SMG6: variants seen among roughly 807,000 people sequenced by gnomAD.
SMG6 encodes telomerase-binding protein EST1A.
In SMG6, 66 loss-of-function variants were observed where a neutral mutation model predicts 142.2. The observed-to-expected ratio is 0.46, with a 90% CI of 0.38 to 0.57. SMG6 has a LOEUF of 0.57. Among genes scored for constraint, SMG6 ranks in the 20% least tolerant of loss-of-function variants. The probability of loss-of-function intolerance (pLI) is 0.00; values close to 1 mark genes in which losing one functional copy is unlikely to be tolerated. For missense variants in SMG6, 1,793 were observed against 1,832.0 expected (o/e 0.98, Z 0.39); for synonymous variants, 779 against 702.4 (o/e 1.11, Z -1.72).
intron 10 of SMG6, among the ~76,000 whole-genome samples, chr17:2,193,368 A>C (rs181908834): frequency 6.6e-6 from 1 of 152,310 alleles, no homozygotes; most frequent in East Asian, 1.9e-4. Flanking sequence ...CCGTAAGTCA[A>C]TGAAACCTCT....
chr17:2,147,462 C>T (rs919308529), intron 13 of SMG6, among the ~76,000 whole-genome samples: 6 of 151,972 alleles, frequency 3.9e-5, no homozygotes, highest in Admixed American at 3.3e-4. Context: ...CCTAGGTGGG[C>T]GTAGTGGTGC....
At chr17:2,250,905 C>T (rs779628051) in intron 8 of SMG6, among the ~76,000 whole-genome samples, 10 of 152,174 alleles carry the variant, frequency 6.6e-5, no homozygotes, top group Non-Finnish European at 1.0e-4. Context: ...GTTGTTCACA[C>T]GTCATCCTCA....
rs544320066 is a variant in SMG6, at chr17:2,207,332, G to T, written c.2870-18817C>A. Among the ~76,000 whole-genome samples the T allele has an allele frequency of 2.6e-5, 4 of 152,038 alleles. No homozygotes were observed. The South Asian group carries it at 8.3e-4, about 32-fold the overall frequency. The stretch of plus-strand genomic sequence containing the variant: ...AAAAAACCCCACTAAATTAGAAAAT[G>T]ATCAGTTTTATTTCAAAATTATCCA... On this transcript the variant is annotated intron_variant, in intron 10 of 18. Coordinates refer to ENST00000263073, the MANE Select transcript of SMG6 (RefSeq NM_017575.5).
chr17:2,269,102 C>A lies in SMG6; in HGVS notation c.2661+13545G>T, dbSNP rs1263936730. Among the ~76,000 whole-genome samples the A allele has an allele frequency of 2.0e-5, 3 of 151,610 alleles. No individual in the cohort carries two copies. In the East Asian group the frequency reaches 5.8e-4, roughly 29 times the overall value. On this transcript the variant is annotated intron_variant, in intron 8 of 18. Coordinates refer to ENST00000263073, the MANE Select transcript of SMG6 (RefSeq NM_017575.5). The stretch of plus-strand genomic sequence containing the variant: ...GCCTGTAGTCCCAGCTACTCATAGT[C>A]CCAGCTACCCGAGAGGCTGCGGCAG...
At chr17:2,248,363 CT>C (rs2073969181) in intron 8 of SMG6, among the ~76,000 whole-genome samples, 1 of 152,122 alleles carries the variant, frequency 6.6e-6, no homozygotes, top group African/African-American at 2.4e-5. Flanking sequence ...TCAAGTTTTG[CT>C]TTTAAGTTTT....
chr17:2,140,018 G>A (rs987862278), intron 13 of SMG6, among the ~76,000 whole-genome samples: 8 of 146,500 alleles, frequency 5.5e-5, no homozygotes, highest in African/African-American at 1.5e-4. Context: ...GAGCCACCAC[G>A]CCCAGCTGGG....
intron 10 of SMG6, among the ~76,000 whole-genome samples, chr17:2,213,085 A>G (rs2072912325): frequency 6.6e-6 from 1 of 152,210 alleles, no homozygotes; most frequent in African/African-American, 2.4e-5. Flanking sequence ...TAATTCATAA[A>G]TAGGATCCAT....
At chr17:2,227,611 G>C (rs545788729) in intron 10 of SMG6, among the ~76,000 whole-genome samples, 2 of 152,298 alleles carry the variant, frequency 1.3e-5, no homozygotes, top group East Asian at 3.9e-4. Context: ...GGCACAAAGA[G>C]AACTTCTGGG....
At chr17:2,162,068 T>C (rs1310113315) in intron 13 of SMG6, among the ~76,000 whole-genome samples, 3 of 152,228 alleles carry the variant, frequency 2.0e-5, no homozygotes, top group Non-Finnish European at 2.9e-5. Flanking sequence ...CATCTAATGA[T>C]TGAGGACTAA....
chr17:2,191,786 G>A lies in SMG6; in HGVS notation c.2870-3271C>T, dbSNP rs973659811. On this transcript the variant is annotated intron_variant, in intron 10 of 18. Transcript: ENST00000263073. ...TCCTATGTAACAGGGAGACTTTCTC[G>A]TTTTTCTGAGAATATATTCATGGAA... is the stretch of plus-strand genomic sequence containing the variant. 2.6e-5 allele frequency among the ~76,000 whole-genome samples: 4 copies of A among 152,072 alleles called. No individual in the cohort carries two copies. The South Asian group carries it at 6.2e-4, about 24-fold the overall frequency.
intron 8 of SMG6, among the ~76,000 whole-genome samples, chr17:2,248,966 A>G (rs1317077626): frequency 2.0e-5 from 3 of 151,742 alleles, no homozygotes; most frequent in Admixed American, 6.6e-5. Flanking sequence ...AGCTCACTGC[A>G]AGCTCCGCCT....
intron 9 of SMG6, among the ~76,000 whole-genome samples, chr17:2,244,013 T>C (rs1431081982): frequency 6.6e-6 from 1 of 152,082 alleles, no homozygotes; most frequent in African/African-American, 2.4e-5. Flanking sequence ...GAGGAAGAAC[T>C]CGGATCCATC....
At chr17:2,295,208 T>C (rs1407165700) in intron 4 of SMG6, among the ~76,000 whole-genome samples, 1 of 152,110 alleles carries the variant, frequency 6.6e-6, no homozygotes, top group East Asian at 1.9e-4. Context: ...AGAAAGTGTG[T>C]ATGTAGTAGA....
chr17:2,084,240 A>C (rs1381224021), intron 14 of SMG6, among the ~76,000 whole-genome samples: 2 of 152,206 alleles, frequency 1.3e-5, no homozygotes, highest in South Asian at 2.1e-4. Context: ...GCACTGCTCC[A>C]CCTGTGCTTC....
chr17:2,086,970 C>T, intron 13 of SMG6: 1 of 1,276,434 alleles, frequency 7.8e-7, no homozygotes, highest in Non-Finnish European at 1.0e-6. Context: ...CCTTCATCCT[C>T]ACTGACTAGC....
intron 8 of SMG6, among the ~76,000 whole-genome samples, chr17:2,250,204 A>T (rs1057419077): frequency 7.2e-5 from 11 of 152,198 alleles, no homozygotes; most frequent in African/African-American, 2.4e-4. Context: ...GCCCAATTTC[A>T]GTTCCGAAAG....
intron 13 of SMG6, among the ~76,000 whole-genome samples, chr17:2,137,500 C>T (rs770612455): frequency 6.6e-6 from 1 of 151,894 alleles, no homozygotes; most frequent in Admixed American, 6.6e-5. Flanking sequence ...CTTACAGGCA[C>T]GCCAGCAGGA....
chr17:2,244,873 C>G (rs2073893910), intron 8 of SMG6, 154 bp from the exon 9 acceptor site: 1 of 636,740 alleles, frequency 1.6e-6, no homozygotes, highest in Admixed American at 2.5e-5. Context: ...TCTCACAGAC[C>G]CAGGGCACAT....
chr17:2,255,390 C>A (rs560874429), intron 8 of SMG6, among the ~76,000 whole-genome samples: 3 of 104,920 alleles, frequency 2.9e-5, no homozygotes, highest in Non-Finnish European at 5.2e-5. Context: ...GGCGACAGAG[C>A]GAGACTCCGT....
Sources: allele counts gnomAD v4.1 joint callset (sites outside exome capture counted in the v4.1 genomes callset), GRCh38; gene constraint gnomAD v4.1.1; transcripts MANE v1.5; gene names NCBI Gene and HGNC (gene_info 2026-07-23, HGNC 2026-07-21).